ESYT2: variants seen among roughly 807,000 people sequenced by gnomAD.
ESYT2 encodes the protein extended synaptotagmin 2.
ESYT2 carries 54 observed loss-of-function variants against 107.2 expected under a neutral mutation model. The ratio of observed to expected loss-of-function variants is 0.50; its 90% CI spans 0.40 to 0.63. ESYT2 has a LOEUF of 0.63. Among genes scored for constraint, ESYT2 ranks in the 30% least tolerant of loss-of-function variants. ESYT2 has a pLI of 0.00. For missense variants in ESYT2, 1,020 were observed against 1,094.5 expected (o/e 0.93, Z 0.96); for synonymous variants, 491 against 434.1 (o/e 1.13, Z -1.63).
chr7:158,779,018 A>G (rs1000225160), intron 6 of ESYT2, among the ~76,000 whole-genome samples: 1 of 152,202 alleles, frequency 6.6e-6, no homozygotes, highest in African/African-American at 2.4e-5. Flanking sequence ...ATGTTTTGCT[A>G]GATTTTAAAT....
rs141050010 is a variant in ESYT2 at position 158,795,255 on chromosome 7, A to G, written c.508-1529T>C. ...GGTTTGACACTTGTAAGACATTGGTACAGTAGATGAAAATGCCAAAGCTAT... is the reference window on the plus strand; with the variant it reads ...GGTTTGACACTTGTAAGACATTGGTGCAGTAGATGAAAATGCCAAAGCTAT... On this transcript the variant is annotated intron_variant, in intron 3 of 22. Coordinates refer to ENST00000275418, the MANE Select transcript of ESYT2 (RefSeq NM_001367773.1). 4.8e-4 allele frequency among the ~76,000 whole-genome samples: 73 copies of G among 152,338 alleles called. 1 individual carries two copies. In the East Asian group the frequency reaches 8.7e-3, roughly 18 times the overall value.
At chr7:158,754,386 T>C (rs1837683862) in intron 13 of ESYT2, among the ~76,000 whole-genome samples, 1 of 151,956 alleles carries the variant, frequency 6.6e-6, no homozygotes, top group Non-Finnish European at 1.5e-5. Context: ...TTTTGTATTT[T>C]TTTTTTACTA....
intron 8 of ESYT2, 42 bp from the exon 9 acceptor site, chr7:158,764,895 T>C: frequency 1.9e-6 from 3 of 1,594,022 alleles, no homozygotes; most frequent in Non-Finnish European, 2.6e-6. Context: ...CTTGGCTGGC[T>C]TGTTTAACTG....
At chr7:158,740,022 C>G (rs998141994) in intron 18 of ESYT2, among the ~76,000 whole-genome samples, 4 of 152,208 alleles carry the variant, frequency 2.6e-5, no homozygotes, top group African/African-American at 9.6e-5. Context: ...GCACTGGCCT[C>G]GAGAGCAGCA....
Position 158,738,876 on chromosome 7 carries a change from C to T in ESYT2, c.2267+147G>A, listed in dbSNP as rs1837083186. Reference sequence around the variant, plus strand: ...ACGCAGTGGTGACACCCTTTACGAGCACCGTCTCTAGAGGTTTAATTGCTT... The same window carrying T: ...ACGCAGTGGTGACACCCTTTACGAGTACCGTCTCTAGAGGTTTAATTGCTT... On this transcript the variant is annotated intron_variant, in intron 19 of 22. Coordinates refer to ENST00000275418, the MANE Select transcript of ESYT2 (RefSeq NM_001367773.1). 38 of 786,556 alleles carry T rather than the reference C, an allele frequency of 4.8e-5. 2 individuals are homozygous for T. Among genetic ancestry groups the T allele is most frequent in the South Asian group, 4.7e-4 (27 of 57,306 alleles). The allele number at this position is 786,556 out of a possible 1,614,324, so 48.7% of individuals were successfully genotyped here.
rs530844428 is a variant in ESYT2, at chr7:158,733,142, C to G, written c.*1065G>C. ...AACCCTGGTGGTGGCCAGTGCACATCGGCTCAAAGGTCCCACATCCTATGT... is the reference window on the plus strand; with the variant it reads ...AACCCTGGTGGTGGCCAGTGCACATGGGCTCAAAGGTCCCACATCCTATGT... On this transcript the variant is annotated 3_prime_UTR_variant, in exon 23 of 23. Coordinates refer to ENST00000275418, the MANE Select transcript of ESYT2 (RefSeq NM_001367773.1). 6.6e-6 allele frequency: 1 copy of G among 152,232 alleles called. No individual in the cohort carries two copies. The highest frequency in any genetic ancestry group is 2.4e-5 in the African/African-American group (1 of 41,466). The allele number at this position is 152,232 out of a possible 1,614,324, so 9.4% of individuals were successfully genotyped here.
At chr7:158,768,885 T>A (rs897549010) in intron 7 of ESYT2, among the ~76,000 whole-genome samples, 8 of 152,164 alleles carry the variant, frequency 5.3e-5, no homozygotes, top group African/African-American at 1.9e-4. Context: ...CAAACAAACA[T>A]ATATATATGT....
At chr7:158,806,567 CATGGAAACACTA>C (rs2129473832) in intron 1 of ESYT2, among the ~76,000 whole-genome samples, 1 of 152,334 alleles carries the variant, frequency 6.6e-6, no homozygotes, top group Non-Finnish European at 1.5e-5. Context: ...GGTATCCCTT[CATGGAAACACTA>C]ATGTCAACAG....
intron 6 of ESYT2, among the ~76,000 whole-genome samples, chr7:158,774,541 A>G (rs61603570): frequency 5.3e-5 from 8 of 152,294 alleles, no homozygotes; most frequent in African/African-American, 1.7e-4. Flanking sequence ...ATTTATAAAC[A>G]CTGACTTAAG....
intron 16 of ESYT2, among the ~76,000 whole-genome samples, chr7:158,747,137 G>A (rs1435771968): frequency 2.0e-5 from 3 of 152,038 alleles, no homozygotes; most frequent in Non-Finnish European, 4.4e-5. Context: ...GCTGAGGTCA[G>A]GAGTTCAAGG....
intron 3 of ESYT2, among the ~76,000 whole-genome samples, chr7:158,796,612 T>C (rs1006323581): frequency 7.2e-5 from 11 of 152,072 alleles, no homozygotes; most frequent in African/African-American, 2.4e-4. Context: ...GAAAGACACG[T>C]GGTGGAGAAA....
chr7:158,741,471 G>A, intron 18 of ESYT2, 52 bp downstream of exon 18: 1 of 1,221,316 alleles, frequency 8.2e-7, no homozygotes, highest in Non-Finnish European at 1.1e-6. Flanking sequence ...CCAGCGTGGG[G>A]TGGGGGGCGC....
chr7:158,782,387 T>TGA (rs1554586902), intron 6 of ESYT2, among the ~76,000 whole-genome samples: 1 of 144,632 alleles, frequency 6.9e-6, no homozygotes, highest in African/African-American at 2.6e-5. Flanking sequence ...CAAAGTGAGG[T>TGA]AAGAACGAGA....
At chr7:158,803,328 G>A (rs1333554364) in intron 1 of ESYT2, among the ~76,000 whole-genome samples, 1 of 152,208 alleles carries the variant, frequency 6.6e-6, no homozygotes, top group East Asian at 1.9e-4. Flanking sequence ...TCTCAAAAAT[G>A]GAACAGATAA....
At chr7:158,747,861 C>G (rs1294957668) in intron 16 of ESYT2, among the ~76,000 whole-genome samples, 1 of 152,024 alleles carries the variant, frequency 6.6e-6, no homozygotes, top group African/African-American at 2.4e-5. Flanking sequence ...AACTACTACT[C>G]AACAATAAAA....
At chr7:158,744,583 C>G (rs1175208995) in intron 16 of ESYT2, among the ~76,000 whole-genome samples, 1 of 152,194 alleles carries the variant, frequency 6.6e-6, no homozygotes, top group Non-Finnish European at 1.5e-5. Context: ...AGGCTGTTCT[C>G]AAACTCTTGG....
intron 6 of ESYT2, among the ~76,000 whole-genome samples, chr7:158,784,140 C>A (rs1839027209): frequency 6.6e-6 from 1 of 152,166 alleles, no homozygotes; most frequent in South Asian, 2.1e-4. Flanking sequence ...CTCTGTACCC[C>A]CTCTACTGGG....
chr7:158,754,518 T>A (rs888130585), intron 13 of ESYT2, among the ~76,000 whole-genome samples: 3 of 152,118 alleles, frequency 2.0e-5, no homozygotes, highest in African/African-American at 7.2e-5. Context: ...GCCTTTTTTT[T>A]TTAAATGACA....
At chr7:158,749,500 G>A in intron 15 of ESYT2, 149 bp downstream of exon 15, 1 of 684,082 alleles carries the variant, frequency 1.5e-6, no homozygotes, top group Non-Finnish European at 2.5e-6. Flanking sequence ...ACTGATCTAA[G>A]AAAAAATAGA....
Sources: allele counts gnomAD v4.1 joint callset (sites outside exome capture counted in the v4.1 genomes callset), GRCh38; gene constraint gnomAD v4.1.1; transcripts MANE v1.5; gene names NCBI Gene and HGNC (gene_info 2026-07-23, HGNC 2026-07-21).